DNAH11: variants seen among roughly 807,000 people sequenced by gnomAD.
The protein encoded by DNAH11 is dynein axonemal heavy chain 11, also known as axonemal beta dynein heavy chain 11.
In DNAH11, 442 loss-of-function variants were observed where a neutral mutation model predicts 526.0. That is an observed-to-expected ratio of 0.84 (90% CI 0.78 to 0.91). DNAH11 has a LOEUF of 0.91. Among genes scored for constraint, DNAH11 ranks in the 40% least tolerant of loss-of-function variants. DNAH11 has a pLI of 0.00. For synonymous variants in DNAH11, 2,461 were observed against 1,935.9 expected, an observed-to-expected ratio of 1.27 and a Z score of -7.12; for missense variants, 6,989 against 5,448.7, an observed-to-expected ratio of 1.28 and a Z score of -8.90.
intron 76 of DNAH11, among the ~76,000 whole-genome samples, chr7:21,884,695 T>A (rs1445753704): frequency 6.6e-6 from 1 of 152,182 alleles, no homozygotes; most frequent in Non-Finnish European, 1.5e-5. Flanking sequence ...ATAAAAACCC[T>A]ATGAGGTATG....
chr7:21,823,820 A>C (rs537829188), intron 65 of DNAH11, among the ~76,000 whole-genome samples: 1 of 152,344 alleles, frequency 6.6e-6, no homozygotes, highest in African/African-American at 2.4e-5. Context: ...TGTGTTACTG[A>C]GTTGACAAAA....
chr7:21,742,271 T>A, intron 49 of DNAH11, 105 bp downstream of exon 49: 1 of 1,307,100 alleles, frequency 7.7e-7, no homozygotes, highest in Non-Finnish European at 1.0e-6. Context: ...TGAGGCTAGG[T>A]AATTTATAAA....
chr7:21,767,015 A>G (rs922233083), intron 55 of DNAH11, among the ~76,000 whole-genome samples: 3 of 152,232 alleles, frequency 2.0e-5, no homozygotes, highest in African/African-American at 7.2e-5. Flanking sequence ...AGTCTGCCAG[A>G]AACATTTTGT....
At chr7:21,815,247 G>A (rs141152661) in intron 63 of DNAH11, among the ~76,000 whole-genome samples, 239 of 152,248 alleles carry the variant, frequency 1.6e-3, no homozygotes, top group African/African-American at 5.4e-3. Flanking sequence ...GTATTAAGTA[G>A]AAGGTAACAA....
intron 10 of DNAH11, 100 bp downstream of exon 10, chr7:21,588,301 G>A (rs901004879): frequency 1.4e-6 from 2 of 1,402,802 alleles, no homozygotes; most frequent in South Asian, 1.4e-5. Context: ...ATTAGATATA[G>A]GCACTACATT....
chr7:21,765,483 TC>T lies in DNAH11; in HGVS notation c.8999del (p.Pro3000GlnfsTer3), dbSNP rs1562533096. 6.2e-7 allele frequency: 1 copy of T among 1,613,836 alleles called. No homozygotes were observed. The highest frequency in any genetic ancestry group is 1.7e-5 in the Admixed American group (1 of 60,008). ...ACGCTGAGAGTTAGAGCTCGGAAGTTCCCAGCCATAGTTAACTGCACGGCTA... is the reference window on the plus strand; with the variant it reads ...ACGCTGAGAGTTAGAGCTCGGAAGTTCCAGCCATAGTTAACTGCACGGCTA... ...GRTLRVRARKFPAIVNCTAID... is the reference protein window; with the variant it reads ...GRTLRVRARKXPAIVNCTAID... On this transcript the variant is annotated frameshift_variant, in exon 55 of 82. Coordinates refer to ENST00000409508, the MANE Select transcript of DNAH11 (RefSeq NM_001277115.2). LOFTEE classifies it high-confidence loss of function.
chr7:21,761,581 C>T (rs1184321663), intron 54 of DNAH11, among the ~76,000 whole-genome samples: 5 of 152,130 alleles, frequency 3.3e-5, no homozygotes, highest in African/African-American at 9.7e-5. Context: ...GCTTAAAGCA[C>T]GCATTGCTGA....
Position 21,707,825 on chromosome 7 carries a change from A to C in DNAH11, c.6673A>C (p.Lys2225Gln). The change falls in exon 40 of 82, where the codon AAA becomes CAA. Residue 2225 changes from lysine (K) to glutamine (Q), a missense_variant. Coordinates refer to ENST00000409508, the MANE Select transcript of DNAH11 (RefSeq NM_001277115.2). ...CATACATCATGCTACCCGAGAATGGAAAGATGGCAAGTAGTATTTCCCCTT... is the reference window on the plus strand; with the variant it reads ...CATACATCATGCTACCCGAGAATGGCAAGATGGCAAGTAGTATTTCCCCTT... ...GFIHHATREW[K>Q]DGKIVYSYFI... is the part of the protein sequence containing the mutation. 6.3e-7 allele frequency: 1 copy of C among 1,596,438 alleles called. No individual in the cohort carries two copies. Among genetic ancestry groups the C allele is most frequent in the Non-Finnish European group, 8.5e-7 (1 of 1,172,714 alleles).
chr7:21,787,975 G>C (rs1489058038), intron 60 of DNAH11, among the ~76,000 whole-genome samples: 1 of 152,196 alleles, frequency 6.6e-6, no homozygotes, highest in Non-Finnish European at 1.5e-5. Flanking sequence ...CTGTATTGTT[G>C]ACATAGTGAG....
chr7:21,705,494 A>G lies in DNAH11; in HGVS notation c.6503A>G (p.His2168Arg). 1 of 1,613,692 alleles carries G rather than the reference A, an allele frequency of 6.2e-7. No homozygotes were observed. Among genetic ancestry groups the G allele is most frequent in the Non-Finnish European group, 8.5e-7 (1 of 1,179,730 alleles). ...VQLEELLAVR[H>R]SVFVVGNAGT... is the part of the protein sequence containing the mutation. ...CTTGAGGAACTGTTGGCTGTGCGGCACTCGGTCTTTGTAGTTGGAAATGCA... is the reference window on the plus strand; with the variant it reads ...CTTGAGGAACTGTTGGCTGTGCGGCGCTCGGTCTTTGTAGTTGGAAATGCA... Residue 2168 changes from histidine (H) to arginine (R), a missense_variant, in exon 39 of 82, where the codon CAC becomes CGC. His to Arg is a conservative substitution (Grantham distance 29, BLOSUM62 0). Coordinates refer to ENST00000409508, the MANE Select transcript of DNAH11 (RefSeq NM_001277115.2).
In DNAH11 at chr7:21,601,534, A is replaced by G. The variant is rs1583518092; in HGVS notation, c.3564A>G (p.Glu1188=). The G allele has an allele frequency of 6.2e-7, 1 of 1,613,372 alleles. No homozygotes were observed. Among genetic ancestry groups the G allele is most frequent in the Non-Finnish European group, 8.5e-7 (1 of 1,179,590 alleles). The change falls in exon 18 of 82, where the codon GAA becomes GAG. Residue 1188 remains glutamate, a synonymous_variant. Coordinates refer to ENST00000409508, the MANE Select transcript of DNAH11 (RefSeq NM_001277115.2). Reference sequence around the variant, plus strand: ...GAAGCCGACAGAGAGCTACTGATGAACTCTTTGAACCTCTAAAAGAAACGA... The same window carrying G: ...GAAGCCGACAGAGAGCTACTGATGAGCTCTTTGAACCTCTAAAAGAAACGA... ...AVRSRQRATD[E]LFEPLKETIT...
intron 45 of DNAH11, among the ~76,000 whole-genome samples, chr7:21,726,357 C>T (rs1019721026): frequency 1.3e-5 from 2 of 152,142 alleles, no homozygotes; most frequent in Non-Finnish European, 2.9e-5. Context: ...CAGGCCCCAC[C>T]TGCAACATTG....
At chr7:21,754,309 T>G (rs1401214203) in intron 54 of DNAH11, among the ~76,000 whole-genome samples, 1 of 152,182 alleles carries the variant, frequency 6.6e-6, no homozygotes, top group African/African-American at 2.4e-5. Flanking sequence ...TATTGAGATA[T>G]GTATATGTTT....
chr7:21,702,732 G>T lies in DNAH11; in HGVS notation c.6203G>T (p.Arg2068Leu), dbSNP rs769794431. ...TAGGATCATTACGACTGGGGACTTC[G>T]TGCTATTAAGTCTGTCTTGGTTGTG... ...SKQDHYDWGL[R>L]AIKSVLVVAG... is the part of the protein sequence containing the mutation. The change falls in exon 37 of 82, where the codon CGT becomes CTT. Residue 2068 changes from arginine to leucine, a missense_variant. Coordinates refer to ENST00000409508, the MANE Select transcript of DNAH11 (RefSeq NM_001277115.2). The T allele has an allele frequency of 1.2e-6, 2 of 1,613,528 alleles. No individual in the cohort carries two copies. The highest frequency in any genetic ancestry group is 3.3e-5 in the Admixed American group (2 of 59,956).
At chr7:21,821,034 G>T (rs1790029741) in intron 65 of DNAH11, among the ~76,000 whole-genome samples, 1 of 151,974 alleles carries the variant, frequency 6.6e-6, no homozygotes, top group Non-Finnish European at 1.5e-5. Flanking sequence ...AGAGTGGAGG[G>T]GACAAATCAG....
At chr7:21,613,591 TGTTA>T (rs1351737482) in intron 20 of DNAH11, among the ~76,000 whole-genome samples, 5 of 152,280 alleles carry the variant, frequency 3.3e-5, no homozygotes, top group East Asian at 1.9e-4. Context: ...GTTGGGGAGA[TGTTA>T]GTTCACAAGA....
intron 14 of DNAH11, among the ~76,000 whole-genome samples, chr7:21,594,006 T>TCACACACACA (rs909880186): frequency 1.3e-4 from 20 of 149,044 alleles, no homozygotes; most frequent in African/African-American, 4.4e-4. Flanking sequence ...CTCTCACATA[T>TCACACACACA]CACACACACA....
intron 76 of DNAH11, among the ~76,000 whole-genome samples, chr7:21,886,205 A>T (rs953238855): frequency 6.6e-6 from 1 of 152,158 alleles, no homozygotes; most frequent in Admixed American, 6.5e-5. Context: ...TCACCTTCCT[A>T]GAGTTCATTT....
chr7:21,626,708 G>T lies in DNAH11; in HGVS notation c.4500+6630G>T, dbSNP rs938353591. ...CATTTCTCTTAGGATTAGTGATGTT[G>T]AGCATTTTTTCATGTAACTGATGGC... On this transcript the variant is annotated intron_variant, in intron 25 of 81. Coordinates refer to ENST00000409508, the MANE Select transcript of DNAH11 (RefSeq NM_001277115.2). Among the ~76,000 whole-genome samples the T allele has an allele frequency of 7.7e-5, 11 of 143,032 alleles. No individual in the cohort carries two copies. In the South Asian group the frequency reaches 2.6e-3, roughly 33 times the overall value. The allele number at this position is 143,032 out of a possible 152,430, so 93.8% of individuals were successfully genotyped here. A position where few individuals can be genotyped will look rare whatever the true frequency, so the allele number is the denominator to read the frequency against.
Sources: gnomAD v4.1 joint callset for allele counts (sites outside exome capture counted in the v4.1 genomes callset) on GRCh38, gnomAD v4.1.1 for gene constraint, MANE v1.5 for transcripts, NCBI Gene and HGNC (gene_info 2026-07-23, HGNC 2026-07-21) for gene names.